Variants in CDH13 observed in about 807,000 individuals in gnomAD.
The protein encoded by CDH13 is cadherin-13.
CDH13 carries 24 observed loss-of-function variants against 63.8 expected under a neutral mutation model. That is an observed-to-expected ratio of 0.38 (90% CI 0.27 to 0.53). CDH13 has a LOEUF of 0.53. CDH13 is among the 20% of genes least tolerant of loss of function. The probability of loss-of-function intolerance (pLI) is 0.85; values close to 1 mark genes in which losing one functional copy is unlikely to be tolerated. For synonymous variants in CDH13, 503 were observed against 355.3 expected, an observed-to-expected ratio of 1.42 and a Z score of -4.67; for missense variants, 1,049 against 903.1, an observed-to-expected ratio of 1.16 and a Z score of -2.07.
intron 10 of CDH13, among the ~76,000 whole-genome samples, chr16:83,679,374 A>G (rs768611515): frequency 2.0e-4 from 30 of 152,218 alleles, no homozygotes; most frequent in Non-Finnish European, 3.2e-4. Flanking sequence ...AGGTACAAAT[A>G]ATCAAGTATT....
chr16:82,670,672 C>A (rs763530372), intron 1 of CDH13, among the ~76,000 whole-genome samples: 2 of 152,122 alleles, frequency 1.3e-5, no homozygotes, highest in Admixed American at 6.5e-5. Context: ...TAGACTGGCA[C>A]GTAATTTGGG....
intron 10 of CDH13, among the ~76,000 whole-genome samples, chr16:83,720,829 C>G (rs1038364153): frequency 6.6e-6 from 1 of 152,174 alleles, no homozygotes; most frequent in Admixed American, 6.5e-5. Flanking sequence ...TTGTGACTGC[C>G]TCTTCTTTCA....
intron 9 of CDH13, among the ~76,000 whole-genome samples, chr16:83,671,334 C>T (rs181105753): frequency 3.9e-5 from 6 of 152,160 alleles, no homozygotes; most frequent in East Asian, 3.9e-4. Flanking sequence ...CTGCAATCTC[C>T]GCCTCCTAGG....
intron 4 of CDH13, among the ~76,000 whole-genome samples, chr16:83,160,415 T>C (rs1294167449): frequency 6.6e-6 from 1 of 152,170 alleles, no homozygotes; most frequent in African/African-American, 2.4e-5. Context: ...AAGACTGTGG[T>C]TGTCATAGAG....
intron 10 of CDH13, among the ~76,000 whole-genome samples, chr16:83,738,888 A>G (rs879539578): frequency 1.2e-4 from 19 of 152,184 alleles, no homozygotes; most frequent in Non-Finnish European, 2.2e-4. Flanking sequence ...CCTTGGCAAC[A>G]AAGGGAGACT....
chr16:83,583,252 A>G (rs979761351), intron 7 of CDH13, among the ~76,000 whole-genome samples: 1 of 152,170 alleles, frequency 6.6e-6, no homozygotes, highest in Non-Finnish European at 1.5e-5. Flanking sequence ...CAGATCTTTA[A>G]CTTAATTACA....
At chr16:83,203,900 C>G (rs557181821) in intron 4 of CDH13, among the ~76,000 whole-genome samples, 2 of 152,054 alleles carry the variant, frequency 1.3e-5, no homozygotes, top group Admixed American at 6.5e-5. Context: ...AGAATGCACA[C>G]AAAACCCTTC....
At chr16:83,194,444 C>T (rs2038814167) in intron 4 of CDH13, among the ~76,000 whole-genome samples, 1 of 152,136 alleles carries the variant, frequency 6.6e-6, no homozygotes, top group Non-Finnish European at 1.5e-5. Context: ...AGGAGAAAAC[C>T]CGATTAGGAA....
intron 3 of CDH13, among the ~76,000 whole-genome samples, chr16:83,118,482 G>C (rs1263757553): frequency 1.3e-5 from 2 of 152,166 alleles, no homozygotes; most frequent in Non-Finnish European, 2.9e-5. Context: ...TAGTAAATCT[G>C]GAAAGCTGGA....
At chr16:82,705,458 T>C (rs1233750762) in intron 1 of CDH13, among the ~76,000 whole-genome samples, 1 of 152,236 alleles carries the variant, frequency 6.6e-6, no homozygotes, top group Admixed American at 6.5e-5. Flanking sequence ...TTAGCTCGGC[T>C]TCCTGCATCC....
intron 5 of CDH13, among the ~76,000 whole-genome samples, chr16:83,229,762 G>A (rs994854010): frequency 6.6e-6 from 1 of 152,168 alleles, no homozygotes; most frequent in Non-Finnish European, 1.5e-5. Context: ...TGGAAAGCCT[G>A]CAGGCCCACG....
At chr16:82,761,017 C>CTTTTTTTTTTTTTTTTGTTTTTTTT in intron 1 of CDH13, among the ~76,000 whole-genome samples, 1 of 40,452 alleles carries the variant, frequency 2.5e-5, no homozygotes, top group Non-Finnish European at 4.6e-5. Flanking sequence ...TTCTTTCTTT[C>CTTTTTTTTTTTTTTTTGTTTTTTTT]TTTTTTTTTT....
intron 9 of CDH13, among the ~76,000 whole-genome samples, chr16:83,677,448 G>A (rs1474956126): frequency 1.3e-5 from 2 of 152,096 alleles, no homozygotes; most frequent in African/African-American, 4.8e-5. Context: ...TCCCCCGCCC[G>A]GCAAATGGTT....
intron 5 of CDH13, among the ~76,000 whole-genome samples, chr16:83,242,290 T>A (rs1396321352): frequency 6.6e-6 from 1 of 152,214 alleles, no homozygotes; most frequent in Non-Finnish European, 1.5e-5. Context: ...GATTTTGCTC[T>A]CTTGAACCAA....
rs34279071 is a variant in CDH13 at position 82,843,530 on chromosome 16, G to A, written c.46-14832G>A. Among the ~76,000 whole-genome samples, 1,002 of 152,060 alleles carry A rather than the reference G, an allele frequency of 6.6e-3. 7 individuals are homozygous for A. Among genetic ancestry groups the A allele is most frequent in the Non-Finnish European group, 1.0e-2 (678 of 67,970 alleles). On this transcript the variant is annotated intron_variant, in intron 1 of 13. Coordinates refer to ENST00000567109, the MANE Select transcript of CDH13 (RefSeq NM_001257.5). The stretch of plus-strand genomic sequence containing the variant: ...TTCCACACCAATTTGTGCTTGATTT[G>A]TTTCTTTTCTTCTAGAACTTTTCAG...
intron 5 of CDH13, among the ~76,000 whole-genome samples, chr16:83,230,191 T>C (rs1448459639): frequency 6.6e-6 from 1 of 152,228 alleles, no homozygotes; most frequent in Non-Finnish European, 1.5e-5. Flanking sequence ...TTGCAGAACC[T>C]AATCATGAAC....
intron 5 of CDH13, among the ~76,000 whole-genome samples, chr16:83,260,681 G>A (rs539144252): frequency 1.3e-5 from 2 of 152,258 alleles, no homozygotes; most frequent in East Asian, 3.9e-4. Flanking sequence ...ATGCAAAGTT[G>A]GAACCTTGTG....
At chr16:83,677,539 C>G (rs1030410850) in intron 9 of CDH13, among the ~76,000 whole-genome samples, 1 of 152,206 alleles carries the variant, frequency 6.6e-6, no homozygotes, top group Admixed American at 6.5e-5. Flanking sequence ...CGGCTTAACT[C>G]CATGTGGCTC....
chr16:82,843,647 A>G (rs2039127121), intron 1 of CDH13, among the ~76,000 whole-genome samples: 1 of 152,250 alleles, frequency 6.6e-6, no homozygotes, highest in African/African-American at 2.4e-5. Context: ...GTAAATTACA[A>G]AAAGGACTTT....
Sources: gnomAD v4.1 joint callset for allele counts (sites outside exome capture counted in the v4.1 genomes callset) on GRCh38, gnomAD v4.1.1 for gene constraint, MANE v1.5 for transcripts, NCBI Gene and HGNC (gene_info 2026-07-23, HGNC 2026-07-21) for gene names.